MEGF10: variants seen among roughly 807,000 people sequenced by gnomAD.
MEGF10 encodes the protein multiple EGF like domains 10, also known as multiple epidermal growth factor-like domains protein 10.
In MEGF10, 86 loss-of-function variants were observed where a neutral mutation model predicts 147.5. The observed-to-expected ratio is 0.58, with a 90% CI of 0.49 to 0.70. The LOEUF (loss-of-function observed/expected upper bound fraction) is 0.70. Among genes scored for constraint, MEGF10 ranks in the 30% least tolerant of loss-of-function variants. The pLI is 0.00. For synonymous variants in MEGF10, 478 were observed against 525.5 expected, an observed-to-expected ratio of 0.91 and a Z score of 1.24; for missense variants, 1,329 against 1,487.3, an observed-to-expected ratio of 0.89 and a Z score of 1.75.
chr5:127,269,001 A>G, the MEGF10 span, among the ~76,000 whole-genome samples: 2 of 152,212 alleles, frequency 1.3e-5, no homozygotes, highest in Non-Finnish European at 1.5e-5. Flanking sequence ...CCTCCAGCAC[A>G]CTCCAACAGA....
Position 127,434,751 on chromosome 5 carries a change from C to A in MEGF10, c.1905C>A (p.Ser635Arg). The change falls in exon 15 of 25, where the codon AGC becomes AGA. Residue 635 changes from serine (S) to arginine (R), a missense_variant. Ser to Arg is a moderately radical substitution (Grantham distance 110). Coordinates refer to ENST00000503335, the MANE Select transcript of MEGF10 (RefSeq NM_001256545.2). Reference protein sequence around the residue: ...SQTCPQCVHSSGPCHHITGLC... With the variant: ...SQTCPQCVHSRGPCHHITGLC... ...CATGCCCACAGTGCGTTCACAGCAG[C>A]GGGCCCTGCCACCACATCACCGGCC... The A allele has an allele frequency of 6.2e-7, 1 of 1,613,972 alleles. No individual in the cohort carries two copies. The highest frequency in any genetic ancestry group is 1.3e-5 in the African/African-American group (1 of 75,048).
intron 12 of MEGF10, among the ~76,000 whole-genome samples, chr5:127,420,412 C>T (rs547933171): frequency 4.6e-5 from 7 of 152,168 alleles, no homozygotes; most frequent in African/African-American, 1.4e-4. Flanking sequence ...ATAGGCTCTG[C>T]GAGAATTTCT....
the MEGF10 span, among the ~76,000 whole-genome samples, chr5:127,247,390 A>T: frequency 6.0e-5 from 2 of 33,124 alleles, no homozygotes; most frequent in Admixed American, 3.6e-4. Flanking sequence ...GAAGAAGAAG[A>T]AGAAGAAGAA....
chr5:127,277,529 C>T, the MEGF10 span, among the ~76,000 whole-genome samples: 5 of 152,348 alleles, frequency 3.3e-5, no homozygotes, highest in South Asian at 8.3e-4. Flanking sequence ...AACAGAGGCA[C>T]TGTGAACACT....
intron 4 of MEGF10, among the ~76,000 whole-genome samples, chr5:127,357,588 A>AAAAAAAATAAAT (rs1762322781): frequency 7.5e-6 from 1 of 132,592 alleles, no homozygotes. Context: ...ACCCTGCCTC[A>AAAAAAAATAAAT]AAATAAATAA....
At chr5:127,416,101 C>T (rs1764762573) in intron 9 of MEGF10, among the ~76,000 whole-genome samples, 1 of 151,708 alleles carries the variant, frequency 6.6e-6, no homozygotes, top group South Asian at 2.1e-4. Flanking sequence ...GATCTTGGCT[C>T]ACTGCAAGCT....
At chr5:127,332,170 T>C (rs759766575) in intron 2 of MEGF10, among the ~76,000 whole-genome samples, 6 of 152,192 alleles carry the variant, frequency 3.9e-5, no homozygotes, top group Non-Finnish European at 7.3e-5. Flanking sequence ...TAGTCCCTTT[T>C]GGAACACAAA....
intron 4 of MEGF10, 132 bp from the exon 5 acceptor site, chr5:127,369,778 G>A (rs538714716): frequency 3.4e-5 from 21 of 619,440 alleles, no homozygotes; most frequent in East Asian, 1.8e-4. Context: ...GCTGAGGAAC[G>A]GACTGAAGAA....
chr5:127,249,661 T>G, the MEGF10 span, among the ~76,000 whole-genome samples: 5 of 152,126 alleles, frequency 3.3e-5, no homozygotes, highest in Non-Finnish European at 4.4e-5. Flanking sequence ...AAAGTCTCTT[T>G]AAATAAAACC....
chr5:127,411,090 A>G (rs908039203), intron 9 of MEGF10, among the ~76,000 whole-genome samples: 6 of 152,238 alleles, frequency 3.9e-5, no homozygotes, highest in African/African-American at 1.4e-4. Context: ...AGTGTTTCAC[A>G]TGTGGCTGTC....
intron 2 of MEGF10, among the ~76,000 whole-genome samples, chr5:127,335,600 G>A (rs887879940): frequency 6.6e-6 from 1 of 152,098 alleles, no homozygotes; most frequent in Non-Finnish European, 1.5e-5. Flanking sequence ...AGCAAAATAG[G>A]TGTAGTCACT....
chr5:127,320,804 G>T (rs1561569257), intron 1 of MEGF10, among the ~76,000 whole-genome samples: 1 of 152,202 alleles, frequency 6.6e-6, no homozygotes, highest in Non-Finnish European at 1.5e-5. Context: ...GGCAATGCCT[G>T]CTGCGAGATA....
At chr5:127,415,277 G>A (rs1242480243) in intron 9 of MEGF10, among the ~76,000 whole-genome samples, 1 of 152,140 alleles carries the variant, frequency 6.6e-6, no homozygotes, top group East Asian at 1.9e-4. Flanking sequence ...ATAATTATTA[G>A]CAGCTCTCTC....
intron 13 of MEGF10, among the ~76,000 whole-genome samples, chr5:127,426,765 T>C (rs1466097491): frequency 6.6e-6 from 1 of 152,248 alleles, no homozygotes; most frequent in Non-Finnish European, 1.5e-5. Context: ...CTGAAGTTTA[T>C]GTCTTCTTTT....
chr5:127,407,812 C>T (rs1252790986), intron 8 of MEGF10, among the ~76,000 whole-genome samples: 1 of 152,112 alleles, frequency 6.6e-6, no homozygotes, highest in Non-Finnish European at 1.5e-5. Flanking sequence ...CAGGCATCAG[C>T]TATTTCATGA....
chr5:127,301,445 C>T (rs1759767644), intron 1 of MEGF10, among the ~76,000 whole-genome samples: 1 of 152,048 alleles, frequency 6.6e-6, no homozygotes, highest in Admixed American at 6.6e-5. Flanking sequence ...ATGGGTGCAG[C>T]ACATCTATGA....
At position 127,362,065 on chromosome 5, in the gene MEGF10, C is replaced by G. The variant is rs1050375656; in HGVS notation, c.320-7845C>G. On this transcript the variant is annotated intron_variant, in intron 4 of 24. Coordinates refer to ENST00000503335, the MANE Select transcript of MEGF10 (RefSeq NM_001256545.2). The stretch of plus-strand genomic sequence containing the variant: ...GTTTTTAGTTTCAAATCTACTATAT[C>G]TTTTCTTATTTTCTTTTTAATAGTT... Among the ~76,000 whole-genome samples, 4 of 144,654 alleles carry G rather than the reference C, an allele frequency of 2.8e-5. No individual in the cohort carries two copies. In the East Asian group the frequency reaches 1.2e-3, roughly 42 times the overall value. The allele number at this position is 144,654 out of a possible 152,430, so 94.9% of individuals were successfully genotyped here. A position where few individuals can be genotyped will look rare whatever the true frequency, so the allele number is the denominator to read the frequency against.
rs565480890 is a variant in MEGF10, at chr5:127,299,175, G to T, written c.-19+8119G>T. 8.5e-5 allele frequency among the ~76,000 whole-genome samples: 13 copies of T among 152,230 alleles called. No homozygotes were observed. The South Asian group carries it at 2.7e-3, about 32-fold the overall frequency. On this transcript the variant is annotated intron_variant, in intron 1 of 24. Coordinates refer to ENST00000503335, the MANE Select transcript of MEGF10 (RefSeq NM_001256545.2). ...TATTACTGATTTAAAAAATAAAAAA[G>T]CCTCCCTGTGTCCCCAGGCTCATCA...
At chr5:127,435,757 C>T (rs1241808464) in intron 16 of MEGF10, among the ~76,000 whole-genome samples, 2 of 151,744 alleles carry the variant, frequency 1.3e-5, no homozygotes, top group Non-Finnish European at 2.9e-5. Flanking sequence ...AGTGATTCAT[C>T]GTCCATTGAA....
Sources: gnomAD v4.1 joint callset for allele counts (sites outside exome capture counted in the v4.1 genomes callset) on GRCh38, gnomAD v4.1.1 for gene constraint, MANE v1.5 for transcripts, NCBI Gene and HGNC (gene_info 2026-07-23, HGNC 2026-07-21) for gene names.